The following TMED2 variants were observed in gnomAD, a reference collection of about 807,000 sequenced individuals.
The protein encoded by TMED2 is transmembrane p24 trafficking protein 2.
TMED2 carries 3 observed loss-of-function variants against 17.5 expected under a neutral mutation model. The observed-to-expected ratio is 0.17, with a 90% CI of 0.08 to 0.44. The LOEUF (loss-of-function observed/expected upper bound fraction) is 0.44. TMED2 is among the 20% of genes least tolerant of loss of function. TMED2 has a pLI of 0.99. For synonymous variants in TMED2, 95 were observed against 91.0 expected (o/e 1.04, Z -0.25); for missense variants, 149 against 254.8 (o/e 0.58, Z 2.83).
At chr12:123,586,351 C>CT (rs201491008) in intron 1 of TMED2, 14,549 of 131,926 alleles carry the variant, frequency 0.11, 815 homozygotes, top group African/African-American at 0.13. Context: ...TGGTGAATTT[C>CT]TTTTTTTTTT....
At position 123,586,856 on chromosome 12, in the gene TMED2, G is replaced by A. The variant is rs1406795590; in HGVS notation, c.290G>A (p.Arg97Gln). Residue 97 changes from arginine (R) to glutamine (Q), a missense_variant, in exon 2 of 4, where the codon CGG becomes CAG. Transcript: ENST00000262225. ...DGTYKFCFSN[R>Q]MSTMTPKIVM... ...ACATACAAATTTTGTTTTAGTAACC[G>A]GATGTCCACCATGACTCCAAAAATA... The A allele has an allele frequency of 4.3e-6, 7 of 1,613,540 alleles. No homozygotes were observed. The African/African-American group carries it at 6.7e-5, about 15-fold the overall frequency.
At chr12:123,587,331 T>C (rs1953358101) in intron 2 of TMED2, among the ~76,000 whole-genome samples, 1 of 152,188 alleles carries the variant, frequency 6.6e-6, no homozygotes, top group African/African-American at 2.4e-5. Context: ...TTTCACCATG[T>C]TGGCCAGGGT....
intron 2 of TMED2, 141 bp downstream of exon 2, chr12:123,587,080 T>C (rs1953353457): frequency 3.9e-6 from 3 of 769,960 alleles, no homozygotes; most frequent in African/African-American, 3.6e-5. Flanking sequence ...TTTTTATTTT[T>C]TGCAAGTCTC....
intron 3 of TMED2, among the ~76,000 whole-genome samples, chr12:123,595,818 C>T (rs1295681585): frequency 4.6e-5 from 7 of 152,026 alleles, no homozygotes; most frequent in Non-Finnish European, 1.0e-4. Context: ...CAGTTGAGGC[C>T]AGGAGTTCAA....
chr12:123,593,720 T>C (rs1022941127), intron 3 of TMED2, among the ~76,000 whole-genome samples: 1 of 152,170 alleles, frequency 6.6e-6, no homozygotes, highest in Non-Finnish European at 1.5e-5. Flanking sequence ...GGATGGTTTC[T>C]ATCTCTTCAC....
chr12:123,584,607 C>T lies in TMED2; in HGVS notation c.-30C>T. On this transcript the variant is annotated 5_prime_UTR_variant, in exon 1 of 4. Transcript: ENST00000262225. ...CGGCGGCGGCTGTGGAGGCCGCAGT[C>T]CGGGTCCTGGCTTCGGCCTCAGCCC... 6.3e-7 allele frequency: 1 copy of T among 1,597,214 alleles called. No individual in the cohort carries two copies. The highest frequency in any genetic ancestry group is 1.1e-5 in the South Asian group (1 of 90,338).
chr12:123,584,933 C>T lies in TMED2; in HGVS notation c.180+117C>T, dbSNP rs533032792. On this transcript the variant is annotated intron_variant, in intron 1 of 3. Transcript: ENST00000262225. ...TGGGCTTGGAAGTCGCTGTCCGAGTCCTGGAGAAGCCCAGGCCGCCACCCC... is the reference window on the plus strand; with the variant it reads ...TGGGCTTGGAAGTCGCTGTCCGAGTTCTGGAGAAGCCCAGGCCGCCACCCC... The T allele has an allele frequency of 2.7e-4, 352 of 1,310,762 alleles. 1 individual carries two copies. The African/African-American group carries it at 4.6e-3, about 17-fold the overall frequency. 81.2% of individuals were successfully genotyped at this position (1,310,762 alleles called of 1,614,324 possible).
intron 1 of TMED2, 149 bp downstream of exon 1, chr12:123,584,965 C>A: frequency 9.7e-7 from 1 of 1,027,984 alleles, no homozygotes; most frequent in Non-Finnish European, 1.4e-6. Flanking sequence ...CCCCCCGCCC[C>A]GCCCCGGCCA....
chr12:123,595,621 C>T (rs942217644), intron 3 of TMED2, among the ~76,000 whole-genome samples: 15 of 151,978 alleles, frequency 9.9e-5, no homozygotes, highest in South Asian at 2.1e-4. Flanking sequence ...TAATACAGGA[C>T]GTTTCAATGG....
chr12:123,596,484 A>G (rs948833369), intron 3 of TMED2, 121 bp from the exon 4 acceptor site: 5 of 1,273,074 alleles, frequency 3.9e-6, no homozygotes, highest in East Asian at 2.6e-5. Context: ...AGGAACATCT[A>G]TTCTATGAGT....
intron 2 of TMED2, among the ~76,000 whole-genome samples, chr12:123,590,112 G>A (rs1399493926): frequency 3.3e-5 from 5 of 151,866 alleles, no homozygotes; most frequent in Non-Finnish European, 7.4e-5. Flanking sequence ...GTGAAACCCC[G>A]TCTCTACTAA....
intron 1 of TMED2, 40 bp downstream of exon 1, chr12:123,584,856 G>T (rs764600620): frequency 1.3e-6 from 2 of 1,597,706 alleles, no homozygotes; most frequent in Non-Finnish European, 8.5e-7. Flanking sequence ...TGGTCGCGTG[G>T]CCACTCGGGG....
Position 123,598,435 on chromosome 12 carries a change from T to C in TMED2, c.*1706T>C, listed in dbSNP as rs1038538171. On this transcript the variant is annotated 3_prime_UTR_variant, in exon 4 of 4. Coordinates refer to ENST00000262225, the MANE Select transcript of TMED2 (RefSeq NM_006815.4). ...CCACGTAGTTTATGAATGTGGGAAA[T>C]AGCTTCAAAGACAGATTAAATGATT... 2 of 152,186 alleles carry C rather than the reference T, an allele frequency of 1.3e-5. No individual in the cohort carries two copies. Among genetic ancestry groups the C allele is most frequent in the Non-Finnish European group, 2.9e-5 (2 of 68,046 alleles). 9.4% of individuals were successfully genotyped at this position (152,186 alleles called of 1,614,324 possible). A position where few individuals can be genotyped will look rare whatever the true frequency, so the allele number is the denominator to read the frequency against.
intron 1 of TMED2, 167 bp downstream of exon 1, chr12:123,584,983 C>T: frequency 1.2e-6 from 1 of 824,858 alleles, no homozygotes; most frequent in Admixed American, 3.0e-5. Context: ...CCACGGCGAC[C>T]TCCTAACGGC....
Position 123,596,778 on chromosome 12 carries a change from A to G in TMED2, c.*49A>G. The G allele has an allele frequency of 6.5e-7, 1 of 1,532,466 alleles. No homozygotes were observed. Among genetic ancestry groups the G allele is most frequent in the African/African-American group, 1.4e-5 (1 of 71,540 alleles). 94.9% of individuals were successfully genotyped at this position (1,532,466 alleles called of 1,614,324 possible). ...ACTCAGAATTCACTGTTTACCAAAC[A>G]CCTTGGTCATAATAATGTCATTAGT... is the stretch of plus-strand genomic sequence containing the variant. On this transcript the variant is annotated 3_prime_UTR_variant, in exon 4 of 4. Coordinates refer to ENST00000262225, the MANE Select transcript of TMED2 (RefSeq NM_006815.4).
chr12:123,591,948 CAA>C (rs898727036), intron 3 of TMED2, among the ~76,000 whole-genome samples: 11 of 152,190 alleles, frequency 7.2e-5, no homozygotes, highest in African/African-American at 1.4e-4. Context: ...AAGAGTGACT[CAA>C]AGAGATAAGC....
At chr12:123,585,293 T>G (rs1886320242) in intron 1 of TMED2, among the ~76,000 whole-genome samples, 1 of 152,220 alleles carries the variant, frequency 6.6e-6, no homozygotes, top group African/African-American at 2.4e-5. Flanking sequence ...AAAAACCTAT[T>G]GAGTGCTAGG....
intron 2 of TMED2, among the ~76,000 whole-genome samples, chr12:123,589,328 A>G (rs1953374575): frequency 6.6e-6 from 1 of 152,230 alleles, no homozygotes; most frequent in South Asian, 2.1e-4. Context: ...TCAGCTTTAT[A>G]GAGATTAAGA....
rs1047285875 is a variant in TMED2, at chr12:123,598,338, T to C, written c.*1609T>C. ...TGCGTAGGTTTTCCAGTGTGGCTTCTCTGATGGATCAGTGCTAAAATCTTA... is the reference window on the plus strand; with the variant it reads ...TGCGTAGGTTTTCCAGTGTGGCTTCCCTGATGGATCAGTGCTAAAATCTTA... On this transcript the variant is annotated 3_prime_UTR_variant, in exon 4 of 4. Transcript: ENST00000262225. 19 of 152,340 alleles carry C rather than the reference T, an allele frequency of 1.2e-4. No individual in the cohort carries two copies. The highest frequency in any genetic ancestry group is 4.6e-4 in the African/African-American group (19 of 41,570). The allele number at this position is 152,340 out of a possible 1,614,324, so 9.4% of individuals were successfully genotyped here. A position where few individuals can be genotyped will look rare whatever the true frequency, so the allele number is the denominator to read the frequency against.
Sources: gnomAD v4.1 joint callset for allele counts (sites outside exome capture counted in the v4.1 genomes callset) on GRCh38, gnomAD v4.1.1 for gene constraint, MANE v1.5 for transcripts, NCBI Gene and HGNC (gene_info 2026-07-23, HGNC 2026-07-21) for gene names.